Variants in SEMA4A observed in about 807,000 individuals in gnomAD.
SEMA4A encodes semaphorin 4A.
SEMA4A carries 52 observed loss-of-function variants against 72.5 expected under a neutral mutation model. The ratio of observed to expected loss-of-function variants is 0.72; its 90% CI spans 0.57 to 0.90. The LOEUF (loss-of-function observed/expected upper bound fraction) is 0.90. SEMA4A is among the 40% of genes least tolerant of loss of function. The pLI, the probability that SEMA4A is intolerant of heterozygous loss-of-function variation, is 0.00. For missense variants in SEMA4A, 926 were observed against 959.7 expected, an observed-to-expected ratio of 0.96 and a Z score of 0.46; for synonymous variants, 369 against 393.1, an observed-to-expected ratio of 0.94 and a Z score of 0.73.
intron 9 of SEMA4A, 112 bp downstream of exon 9, chr1:156,161,630 T>C: frequency 8.7e-7 from 1 of 1,151,626 alleles, no homozygotes; most frequent in Non-Finnish European, 1.3e-6. Context: ...CTCAGCACTT[T>C]CACATAGGAA....
chr1:156,152,440 C>T (rs1652613942), upstream of SEMA4A, among the ~76,000 whole-genome samples: 1 of 152,202 alleles, frequency 6.6e-6, no homozygotes, highest in South Asian at 2.1e-4. Context: ...GGCCCAGGGG[C>T]AGACTGGCTT....
At chr1:156,154,120 T>A (rs1200371103) in intron 1 of SEMA4A, among the ~76,000 whole-genome samples, 1 of 151,864 alleles carries the variant, frequency 6.6e-6, no homozygotes, top group Non-Finnish European at 1.5e-5. Context: ...GAGAGTAAGG[T>A]CTGAGGAATT....
chr1:156,156,353 C>T lies in SEMA4A; in HGVS notation c.140-61C>T. ...CCTTCCCCTTCCCCCACTTTTATCT[C>T]AGGAGTCAGCTGCCTGCCCACCAAG... On this transcript the variant is annotated intron_variant, in intron 2 of 14. Transcript: ENST00000368285. 3 of 1,543,388 alleles carry T rather than the reference C, an allele frequency of 1.9e-6. No homozygotes were observed. The Middle Eastern group carries it at 5.1e-4, about 265-fold the overall frequency.
intron 10 of SEMA4A, among the ~76,000 whole-genome samples, chr1:156,167,848 T>G (rs1654320897): frequency 6.6e-6 from 1 of 152,246 alleles, no homozygotes; most frequent in Non-Finnish European, 1.5e-5. Flanking sequence ...TCTCATAGGA[T>G]AGTAATGATG....
intron 7 of SEMA4A, 112 bp downstream of exon 7, chr1:156,160,671 G>T (rs1372209807): frequency 9.3e-7 from 1 of 1,070,788 alleles, no homozygotes; most frequent in Non-Finnish European, 1.4e-6. Flanking sequence ...AGGCGCAGGG[G>T]GTATATGGCA....
At chr1:156,160,764 C>A in intron 7 of SEMA4A, 141 bp from the exon 8 acceptor site, 2 of 1,275,488 alleles carry the variant, frequency 1.6e-6, no homozygotes, top group Non-Finnish European at 2.3e-6. Context: ...CCCCACCCCA[C>A]ATCGCTACCC....
chr1:156,157,737 G>A lies in SEMA4A; in HGVS notation c.301-333G>A, dbSNP rs1198414371. ...ACTGCTGCCATATATACCATTCATCGTGTTAGGTGTTTTGTATATGCCACC... is the reference window on the plus strand; with the variant it reads ...ACTGCTGCCATATATACCATTCATCATGTTAGGTGTTTTGTATATGCCACC... On this transcript the variant is annotated intron_variant, in intron 3 of 14. Coordinates refer to ENST00000368285, the MANE Select transcript of SEMA4A (RefSeq NM_022367.4). The surrounding 1 kb of genome is among the most constrained non-coding windows in gnomAD (Gnocchi z 4.5). 6.6e-6 allele frequency among the ~76,000 whole-genome samples: 1 copy of A among 152,168 alleles called. No individual in the cohort carries two copies. The highest frequency in any genetic ancestry group is 1.5e-5 in the Non-Finnish European group (1 of 68,036).
Position 156,177,114 on chromosome 1 carries a change from G to GTA in SEMA4A, c.*117_*118insTA. The stretch of plus-strand genomic sequence containing the variant: ...AAAAGACCACCTTTCTCCCCTGAGA[G>GTA]GAGCTTCTGCTACTCTGCATCACTG... On this transcript the variant is annotated 3_prime_UTR_variant, in exon 15 of 15. Coordinates refer to ENST00000368285, the MANE Select transcript of SEMA4A (RefSeq NM_022367.4). 2.2e-6 allele frequency: 2 copies of GTA among 895,864 alleles called. No homozygotes were observed. Among genetic ancestry groups the GTA allele is most frequent in the Non-Finnish European group, 1.8e-6 (1 of 561,266 alleles). 55.5% of individuals were successfully genotyped at this position (895,864 alleles called of 1,614,324 possible).
chr1:156,176,880 C>A lies in SEMA4A; in HGVS notation c.2169C>A (p.Arg723=). Residue 723 remains arginine, a synonymous_variant, in exon 15 of 15, where the codon CGC becomes CGA. Coordinates refer to ENST00000368285, the MANE Select transcript of SEMA4A (RefSeq NM_022367.4). ...RGKVQGCETL[R]PGEKAPLSRE... ...AGGTTCAGGGCTGTGAGACCCTGCG[C>A]CCTGGGGAGAAGGCCCCGTTAAGCA... The A allele has an allele frequency of 1.2e-6, 2 of 1,614,238 alleles. No homozygotes were observed. Among genetic ancestry groups the A allele is most frequent in the Non-Finnish European group, 1.7e-6 (2 of 1,180,028 alleles).
chr1:156,164,926 G>A lies in SEMA4A; in HGVS notation c.1134+1832G>A, dbSNP rs933458752. ...AGCGATTCTCCTGCCTTAGCCTCCC[G>A]AGTAGCTGGGATTACAGGTGTGCGC... On this transcript the variant is annotated intron_variant, in intron 10 of 14. Coordinates refer to ENST00000368285, the MANE Select transcript of SEMA4A (RefSeq NM_022367.4). 1.1e-4 allele frequency among the ~76,000 whole-genome samples: 17 copies of A among 151,888 alleles called. 1 individual carries two copies. In the East Asian group the frequency reaches 3.1e-3, roughly 28 times the overall value.
intron 10 of SEMA4A, among the ~76,000 whole-genome samples, chr1:156,170,019 G>A (rs1011712356): frequency 3.3e-5 from 5 of 150,734 alleles, no homozygotes; most frequent in African/African-American, 1.2e-4. Context: ...GCAAGACTCC[G>A]TCTCAAAAAA....
rs950481013 is a variant in SEMA4A, at chr1:156,154,595, T to G, written c.17T>G (p.Leu6Arg). The part of the protein sequence containing the change: MALPA[L>R]GLDPWSLLGL... ...TGGCTGAGCATGGCCCTCCCAGCCC[T>G]GGGCCTGGACCCCTGGAGCCTCCTG... is the stretch of plus-strand genomic sequence containing the variant. Residue 6 changes from leucine to arginine, a missense_variant, in exon 2 of 15, where the codon CTG (leucine) becomes CGG (arginine). Transcript: ENST00000368285. The G allele has an allele frequency of 1.9e-6, 3 of 1,610,904 alleles. No individual in the cohort carries two copies. Among genetic ancestry groups the G allele is most frequent in the Non-Finnish European group, 2.5e-6 (3 of 1,179,432 alleles).
upstream of SEMA4A, among the ~76,000 whole-genome samples, chr1:156,152,073 G>T (rs1238672408): frequency 6.6e-6 from 1 of 152,134 alleles, no homozygotes; most frequent in Non-Finnish European, 1.5e-5. Flanking sequence ...GTAGCTAAGA[G>T]ATTTGCTATT....
rs1301513764 is a variant in SEMA4A at position 156,158,084 on chromosome 1, C to T, written c.315C>T (p.Ala105=). The T allele has an allele frequency of 3.7e-6, 6 of 1,613,984 alleles. No homozygotes were observed. In the South Asian group the frequency reaches 5.5e-5, roughly 15 times the overall value. ...CCCACTTTCAGATACCGTGGCCAGC[C>T]AGTGACAGAAAAAAGAGTGAATGTG... ...PRLKNMIPWP[A]SDRKKSECAF... Residue 105 remains alanine (A), a synonymous_variant, in exon 4 of 15, where the codon GCC becomes GCT. Coordinates refer to ENST00000368285, the MANE Select transcript of SEMA4A (RefSeq NM_022367.4).
chr1:156,150,913 G>T (rs538116040), upstream of SEMA4A, among the ~76,000 whole-genome samples: 1 of 152,138 alleles, frequency 6.6e-6, no homozygotes, highest in African/African-American at 2.4e-5. Context: ...GGAGAAATGG[G>T]CTGGGGGAAA....
At chr1:156,168,492 G>A (rs970702656) in intron 10 of SEMA4A, among the ~76,000 whole-genome samples, 1 of 152,162 alleles carries the variant, frequency 6.6e-6, no homozygotes, top group Non-Finnish European at 1.5e-5. Context: ...CCAAAGTGCT[G>A]GGATTACAGG....
Position 156,159,042 on chromosome 1 carries a change from A to T in SEMA4A, c.568+218A>T, listed in dbSNP as rs896853493. ...CAGCGAGATCGTCTCAAAAAAAAAA[A>T]AAAAAAGCCTCAGTGCCTCATGCCT... On this transcript the variant is annotated intron_variant, in intron 6 of 14. Transcript: ENST00000368285. 5.3e-6 allele frequency: 3 copies of T among 565,766 alleles called. No homozygotes were observed. The South Asian group carries it at 6.1e-5, about 12-fold the overall frequency. 35.0% of individuals were successfully genotyped at this position (565,766 alleles called of 1,614,324 possible).
rs975548731 is a variant in SEMA4A, at chr1:156,153,759, T to C, written c.-35T>C. On this transcript the variant is annotated 5_prime_UTR_variant, in exon 1 of 15. It removes an upstream start codon present in the reference 5' UTR. Coordinates refer to ENST00000368285, the MANE Select transcript of SEMA4A (RefSeq NM_022367.4). ...TCCCACTGTGGCTGGTTCAAGGGTA[T>C]GTGAGGTGAGATGGGTGGCTTGGGG... 1 of 152,284 alleles carries C rather than the reference T, an allele frequency of 6.6e-6. No individual in the cohort carries two copies. The highest frequency in any genetic ancestry group is 1.5e-5 in the Non-Finnish European group (1 of 68,100). The allele number at this position is 152,284 out of a possible 1,614,324, so 9.4% of individuals were successfully genotyped here.
chr1:156,174,671 G>C, intron 11 of SEMA4A, 151 bp from the exon 12 acceptor site: 1 of 841,902 alleles, frequency 1.2e-6, no homozygotes, highest in Non-Finnish European at 2.0e-6. Context: ...CCATCTCCAT[G>C]GCACAGAGGA....
Sources: allele counts gnomAD v4.1 joint callset (sites outside exome capture counted in the v4.1 genomes callset), GRCh38; gene constraint gnomAD v4.1.1; non-coding constraint Gnocchi (gnomAD v3.1); transcripts MANE v1.5; gene names NCBI Gene and HGNC (gene_info 2026-07-23, HGNC 2026-07-21).